Variants in ENPP2 observed in about 807,000 individuals in gnomAD.
ENPP2 encodes autotaxin.
In ENPP2, 51 loss-of-function variants were observed where a neutral mutation model predicts 120.2. The observed-to-expected ratio is 0.42, with a 90% CI of 0.34 to 0.54. The LOEUF (loss-of-function observed/expected upper bound fraction) is 0.54. Ranked by LOEUF, ENPP2 falls within the 20% of genes least tolerant of loss-of-function variation. ENPP2 has a pLI of 0.04. For missense variants in ENPP2, 920 were observed against 1,066.5 expected (o/e 0.86, Z 1.91); for synonymous variants, 365 against 366.4 (o/e 1.00, Z 0.04).
At chr8:119,659,371 G>T (rs1299009457) in intron 1 of ENPP2, among the ~76,000 whole-genome samples, 1 of 146,732 alleles carries the variant, frequency 6.8e-6, no homozygotes, top group African/African-American at 2.5e-5. Flanking sequence ...ACTTCCTAGT[G>T]GTACTAATCC....
At chr8:119,584,738 C>A (rs1812989282) in intron 15 of ENPP2, among the ~76,000 whole-genome samples, 1 of 152,176 alleles carries the variant, frequency 6.6e-6, no homozygotes, top group Non-Finnish European at 1.5e-5. Context: ...ACCATCTGAT[C>A]TTTCCTTTTG....
At chr8:119,589,738 T>C (rs1453526421) in intron 13 of ENPP2, among the ~76,000 whole-genome samples, 2 of 152,158 alleles carry the variant, frequency 1.3e-5, no homozygotes, top group Admixed American at 6.5e-5. Context: ...GCTGTAAGGT[T>C]GGTGTCAATG....
chr8:119,665,923 A>G (rs917274005), intron 1 of ENPP2, among the ~76,000 whole-genome samples: 3 of 152,196 alleles, frequency 2.0e-5, no homozygotes, highest in Non-Finnish European at 4.4e-5. Context: ...TCTTTTTGCA[A>G]CATCAAAAAT....
At chr8:119,601,225 A>G (rs970399913) in intron 10 of ENPP2, among the ~76,000 whole-genome samples, 172 bp downstream of exon 10, 1 of 152,242 alleles carries the variant, frequency 6.6e-6, no homozygotes, top group South Asian at 2.1e-4. Flanking sequence ...AAATGGTCCC[A>G]ATAACCAAAG....
At chr8:119,666,971 A>C (rs1184053501) in intron 1 of ENPP2, among the ~76,000 whole-genome samples, 1 of 152,188 alleles carries the variant, frequency 6.6e-6, no homozygotes, top group East Asian at 1.9e-4. Flanking sequence ...TAGTATGAGT[A>C]GTTCATGGGA....
At chr8:119,567,768 G>C (rs1814598102) in intron 22 of ENPP2, among the ~76,000 whole-genome samples, 1 of 152,084 alleles carries the variant, frequency 6.6e-6, no homozygotes, top group South Asian at 2.1e-4. Context: ...AATATCAAGT[G>C]GCTTTCAAAA....
chr8:119,658,154 G>A (rs1285616370), intron 1 of ENPP2, among the ~76,000 whole-genome samples: 1 of 152,164 alleles, frequency 6.6e-6, no homozygotes, highest in African/African-American at 2.4e-5. Flanking sequence ...TATGTGCCAG[G>A]TATTGTTTTA....
intron 2 of ENPP2, 146 bp from the exon 3 acceptor site, chr8:119,626,866 G>C: frequency 1.5e-6 from 1 of 680,906 alleles, no homozygotes; most frequent in South Asian, 2.3e-5. Context: ...ATGTACTCTG[G>C]GCAGGTTGCC....
At chr8:119,588,427 G>A (rs1813266258) in intron 13 of ENPP2, among the ~76,000 whole-genome samples, 2 of 150,022 alleles carry the variant, frequency 1.3e-5, no homozygotes. Flanking sequence ...TACTTGGGAA[G>A]CTGAGGCAGG....
intron 1 of ENPP2, among the ~76,000 whole-genome samples, chr8:119,667,611 A>C (rs1478713939): frequency 6.6e-6 from 1 of 152,168 alleles, no homozygotes; most frequent in African/African-American, 2.4e-5. Flanking sequence ...TTCACTTTTG[A>C]ATTAATCCAC....
At chr8:119,574,634 G>C (rs1266234401) in intron 19 of ENPP2, among the ~76,000 whole-genome samples, 3 of 152,048 alleles carry the variant, frequency 2.0e-5, no homozygotes, top group Non-Finnish European at 2.9e-5. Flanking sequence ...ACTGGAGTTT[G>C]TGTTCCTTTT....
chr8:119,623,690 A>G (rs1259659335), intron 3 of ENPP2, among the ~76,000 whole-genome samples: 2 of 152,040 alleles, frequency 1.3e-5, no homozygotes, highest in Non-Finnish European at 1.5e-5. Context: ...CAGTGGCATA[A>G]TCTCAGCTCA....
chr8:119,654,533 G>A (rs1044691351), intron 1 of ENPP2, among the ~76,000 whole-genome samples: 6 of 149,018 alleles, frequency 4.0e-5, no homozygotes, highest in Non-Finnish European at 7.4e-5. Context: ...GAGTGAGAGA[G>A]AGGGTCTTGC....
At chr8:119,624,150 C>A (rs533180189) in intron 3 of ENPP2, among the ~76,000 whole-genome samples, 12 of 152,130 alleles carry the variant, frequency 7.9e-5, no homozygotes, top group African/African-American at 2.7e-4. Flanking sequence ...ACATTACTTA[C>A]AAAAGAATAT....
At chr8:119,599,228 A>G (rs1463418122) in intron 11 of ENPP2, among the ~76,000 whole-genome samples, 1 of 152,228 alleles carries the variant, frequency 6.6e-6, no homozygotes, top group Non-Finnish European at 1.5e-5. Context: ...TCTGACTTAT[A>G]TAACTTCAGT....
intron 1 of ENPP2, among the ~76,000 whole-genome samples, chr8:119,664,415 G>A (rs749983773): frequency 6.6e-6 from 1 of 152,042 alleles, no homozygotes; most frequent in Non-Finnish European, 1.5e-5. Flanking sequence ...CATCTCACAC[G>A]CTTTGGTCAG....
At chr8:119,574,849 C>T (rs2130182343) in intron 19 of ENPP2, among the ~76,000 whole-genome samples, 1 of 152,284 alleles carries the variant, frequency 6.6e-6, no homozygotes, top group South Asian at 2.1e-4. Flanking sequence ...TTATCATTTG[C>T]TGCCATTTCA....
intron 15 of ENPP2, among the ~76,000 whole-genome samples, chr8:119,585,495 G>A (rs896552261): frequency 6.6e-6 from 1 of 152,160 alleles, no homozygotes; most frequent in African/African-American, 2.4e-5. Context: ...CAATTATTGA[G>A]ATAGACAAAT....
At chr8:119,665,798 T>G (rs1226108431) in intron 1 of ENPP2, among the ~76,000 whole-genome samples, 1 of 152,220 alleles carries the variant, frequency 6.6e-6, no homozygotes, top group Non-Finnish European at 1.5e-5. Context: ...CATGCTTTCT[T>G]AGTGACTCAA....
Sources: allele counts gnomAD v4.1 joint callset (sites outside exome capture counted in the v4.1 genomes callset), GRCh38; gene constraint gnomAD v4.1.1; transcripts MANE v1.5; gene names NCBI Gene and HGNC (gene_info 2026-07-23, HGNC 2026-07-21).